CD109: variants seen among roughly 807,000 people sequenced by gnomAD.
The protein encoded by CD109 is CD109 molecule.
A neutral mutation model predicts 165.8 loss-of-function variants in CD109; 149 were observed. The observed-to-expected ratio is 0.90, with a 90% CI of 0.79 to 1.03. The LOEUF is 1.03. Among genes scored for constraint, CD109 ranks in the 50% least tolerant of loss-of-function variants. CD109 has a pLI of 0.00. For synonymous variants in CD109, 585 were observed against 592.1 expected, an observed-to-expected ratio of 0.99 and a Z score of 0.18; for missense variants, 1,712 against 1,677.8, an observed-to-expected ratio of 1.02 and a Z score of -0.36.
chr6:73,781,836 C>CACACACACACACACACACACACACA (rs386359122), intron 17 of CD109, among the ~76,000 whole-genome samples: 95 of 62,150 alleles, frequency 1.5e-3, no homozygotes, highest in African/African-American at 3.8e-3. Flanking sequence ...CACACACACA[C>CACACACACACACACACACACACACA]CCCTCATCAA....
chr6:73,806,419 C>T (rs1000396262), intron 24 of CD109, among the ~76,000 whole-genome samples: 10 of 151,742 alleles, frequency 6.6e-5, no homozygotes, highest in African/African-American at 1.7e-4. Context: ...GTAAATGACG[C>T]GTTAATGGGT....
chr6:73,791,669 C>T (rs987044932), intron 22 of CD109, among the ~76,000 whole-genome samples: 4 of 152,204 alleles, frequency 2.6e-5, no homozygotes, highest in Admixed American at 1.3e-4. Flanking sequence ...CCAGAATGTA[C>T]GAATTTTAGC....
intron 5 of CD109, among the ~76,000 whole-genome samples, chr6:73,739,901 G>A (rs183859728): frequency 1.4e-4 from 22 of 152,226 alleles, no homozygotes; most frequent in African/African-American, 2.4e-4. Flanking sequence ...CAGGGTTGTC[G>A]TCTGTCACTC....
intron 24 of CD109, chr6:73,803,880 G>A (rs1186981260): frequency 6.6e-6 from 1 of 152,510 alleles, no homozygotes; most frequent in Middle Eastern, 3.2e-3. Context: ...TAGACTAGGA[G>A]TGCTGTGGTA....
chr6:73,798,110 G>GTTTTTTTTT (rs57382539), intron 23 of CD109, among the ~76,000 whole-genome samples: 2 of 142,518 alleles, frequency 1.4e-5, no homozygotes, highest in African/African-American at 2.6e-5. Flanking sequence ...TCAGTGTCCT[G>GTTTTTTTTT]TTTTTTTTTT....
At chr6:73,710,957 G>A (rs1277919968) in intron 2 of CD109, among the ~76,000 whole-genome samples, 3 of 152,174 alleles carry the variant, frequency 2.0e-5, no homozygotes, top group Non-Finnish European at 4.4e-5. Context: ...GAAATTTTGA[G>A]TTCATATAAT....
Position 73,781,835 on chromosome 6 carries a change from A to ACACACACACACACACACACACCC in CD109, c.1963+517_1963+518insACACACACACACACACACACCCC, listed in dbSNP as rs150665697. Among the ~76,000 whole-genome samples, 1,184 of 144,380 alleles carry ACACACACACACACACACACACCC rather than the reference A, an allele frequency of 8.2e-3. 28 individuals carry two copies. The highest frequency in any genetic ancestry group is 0.029 in the African/African-American group (1,106 of 37,978). 94.7% of individuals were successfully genotyped at this position (144,380 alleles called of 152,430 possible). On this transcript the variant is annotated intron_variant, in intron 17 of 32. Coordinates refer to ENST00000287097, the MANE Select transcript of CD109 (RefSeq NM_133493.5). ...CACGCAGACACACACACACACACAC[A>ACACACACACACACACACACACCC]CCCCTCATCAATCTGAGTTCTTCCT... is the stretch of plus-strand genomic sequence containing the variant.
intron 28 of CD109, 97 bp from the exon 29 acceptor site, chr6:73,812,108 C>G (rs1775776802): frequency 1.4e-6 from 1 of 716,336 alleles, no homozygotes; most frequent in East Asian, 2.6e-5. Flanking sequence ...GTGATTGCTT[C>G]TTTTCCTAAT....
At chr6:73,747,471 T>A (rs1297225325) in intron 5 of CD109, among the ~76,000 whole-genome samples, 1 of 152,170 alleles carries the variant, frequency 6.6e-6, no homozygotes, top group Non-Finnish European at 1.5e-5. Context: ...TATTGGCACA[T>A]TGCAAGTTTG....
At chr6:73,752,355 A>G (rs1773225354) in intron 5 of CD109, among the ~76,000 whole-genome samples, 1 of 152,232 alleles carries the variant, frequency 6.6e-6, no homozygotes, top group Non-Finnish European at 1.5e-5. Flanking sequence ...AGATGGTTGT[A>G]GTAATTCACA....
At chr6:73,758,409 G>A (rs1028616695) in intron 6 of CD109, among the ~76,000 whole-genome samples, 3 of 151,878 alleles carry the variant, frequency 2.0e-5, no homozygotes, top group Admixed American at 6.6e-5. Flanking sequence ...TTTTCGAGAC[G>A]GAGTCTCACT....
At chr6:73,700,134 TG>T (rs1771008227) in intron 2 of CD109, among the ~76,000 whole-genome samples, 1 of 152,156 alleles carries the variant, frequency 6.6e-6, no homozygotes, top group Non-Finnish European at 1.5e-5. Context: ...CAGGCCAGAG[TG>T]CAGTGGTGAA....
chr6:73,781,469 CT>C lies in CD109; in HGVS notation c.1963+152del, dbSNP rs984859835. ...CCCAAAATGTTTGGAGTTTAATGTA[CT>C]TAGAAGTACATCTGGGCCATGACAT... On this transcript the variant is annotated intron_variant, in intron 17 of 32. Coordinates refer to ENST00000287097, the MANE Select transcript of CD109 (RefSeq NM_133493.5). 4 of 645,358 alleles carry C rather than the reference CT, an allele frequency of 6.2e-6. No homozygotes were observed. In the African/African-American group the frequency reaches 7.4e-5, roughly 12 times the overall value. The allele number at this position is 645,358 out of a possible 1,614,324, so 40.0% of individuals were successfully genotyped here. A position where few individuals can be genotyped will look rare whatever the true frequency, so the allele number is the denominator to read the frequency against.
chr6:73,798,672 T>C (rs757215093), intron 23 of CD109, among the ~76,000 whole-genome samples: 40 of 152,202 alleles, frequency 2.6e-4, no homozygotes, highest in Non-Finnish European at 4.7e-4. Flanking sequence ...TGATTGTCTG[T>C]GGCCTCTTCT....
intron 3 of CD109, among the ~76,000 whole-genome samples, chr6:73,728,628 T>C (rs1048122854): frequency 2.0e-5 from 3 of 152,220 alleles, no homozygotes; most frequent in Non-Finnish European, 4.4e-5. Context: ...TCCCTAAATA[T>C]TGCTGCTGAC....
rs1362117112 is a variant in CD109 at position 73,729,522 on chromosome 6, TTATTA to T, written c.277-820_277-816del. Among the ~76,000 whole-genome samples, 761 of 149,002 alleles carry T rather than the reference TTATTA, an allele frequency of 5.1e-3. 10 individuals carry two copies. Among genetic ancestry groups the T allele is most frequent in the African/African-American group, 0.017 (709 of 40,912 alleles). On this transcript the variant is annotated intron_variant, in intron 3 of 32. Transcript: ENST00000287097. Reference sequence around the variant, plus strand: ...ATTATTATTATTATTATTATTATTATTATTATTATTATTTTGAGACAAATTCTCGC... The same window carrying T: ...ATTATTATTATTATTATTATTATTATTTATTATTTTGAGACAAATTCTCGC...
chr6:73,695,887 G>C (rs1372797542), upstream of CD109: 2 of 364,874 alleles, frequency 5.5e-6, no homozygotes, highest in South Asian at 4.8e-5. Flanking sequence ...CCGGTGGGCC[G>C]GGGAAGTGGG....
chr6:73,782,572 C>T, intron 17 of CD109, 42 bp from the exon 18 acceptor site: 2 of 1,585,818 alleles, frequency 1.3e-6, no homozygotes, highest in South Asian at 1.1e-5. Flanking sequence ...TTCATTCTCT[C>T]CAGTGACTGT....
At chr6:73,730,258 T>C in intron 3 of CD109, 86 bp from the exon 4 acceptor site, 1 of 858,210 alleles carries the variant, frequency 1.2e-6, no homozygotes. Flanking sequence ...ATACTGTGTA[T>C]TTACTTTTTT....
Sources: gnomAD v4.1 joint callset for allele counts (sites outside exome capture counted in the v4.1 genomes callset) on GRCh38, gnomAD v4.1.1 for gene constraint, MANE v1.5 for transcripts, NCBI Gene and HGNC (gene_info 2026-07-23, HGNC 2026-07-21) for gene names.